The following GAS7 variants were observed in gnomAD, a reference collection of about 807,000 sequenced individuals.
GAS7 encodes growth arrest-specific protein 7.
GAS7 carries 28 observed loss-of-function variants against 71.1 expected under a neutral mutation model. The ratio of observed to expected loss-of-function variants is 0.39; its 90% CI spans 0.29 to 0.54. GAS7 has a LOEUF of 0.54. Among genes scored for constraint, GAS7 ranks in the 20% least tolerant of loss-of-function variants. GAS7 has a pLI of 0.62. For synonymous variants in GAS7, 258 were observed against 245.8 expected, an observed-to-expected ratio of 1.05 and a Z score of -0.46; for missense variants, 436 against 627.8, an observed-to-expected ratio of 0.69 and a Z score of 3.27.
At chr17:9,975,928 T>C (rs1284373779) in intron 3 of GAS7, among the ~76,000 whole-genome samples, 1 of 152,182 alleles carries the variant, frequency 6.6e-6, no homozygotes, top group Non-Finnish European at 1.5e-5. Flanking sequence ...GGCAGTTCCG[T>C]GCTCATCCGG....
intron 1 of GAS7, among the ~76,000 whole-genome samples, chr17:10,035,770 A>G (rs2152223900): frequency 6.6e-6 from 1 of 152,290 alleles, no homozygotes; most frequent in Non-Finnish European, 1.5e-5. Flanking sequence ...TTGTACTGCT[A>G]AGTATCAGAA....
intron 1 of GAS7, among the ~76,000 whole-genome samples, chr17:10,192,214 T>A (rs531754334): frequency 6.6e-6 from 1 of 152,176 alleles, no homozygotes; most frequent in East Asian, 1.9e-4. Flanking sequence ...GCCATAGGCA[T>A]AAATACCACC....
chr17:10,103,237 A>G lies in GAS7; in HGVS notation c.184-83340T>C, dbSNP rs1374213929. Among the ~76,000 whole-genome samples, 1 of 152,016 alleles carries G rather than the reference A, an allele frequency of 6.6e-6. No homozygotes were observed. The highest frequency in any genetic ancestry group is 1.5e-5 in the Non-Finnish European group (1 of 67,976). On this transcript the variant is annotated intron_variant, in intron 1 of 13. Transcript: ENST00000432992. This position sits in a 1 kb window ranked among gnomAD's most constrained non-coding sequence, Gnocchi z 5.5. ...TGCACACTTGTGGTCCTAGCTACTC[A>G]GGAGGCTAAGGTGGGAGAATCACCT...
At chr17:9,978,832 G>C (rs915603835) in intron 3 of GAS7, among the ~76,000 whole-genome samples, 1 of 152,164 alleles carries the variant, frequency 6.6e-6, no homozygotes, top group African/African-American at 2.4e-5. Flanking sequence ...CCATGGTCTG[G>C]GAACCCTTGA....
chr17:10,152,614 T>G (rs1271815202), intron 1 of GAS7, among the ~76,000 whole-genome samples: 1 of 152,080 alleles, frequency 6.6e-6, no homozygotes, highest in Non-Finnish European at 1.5e-5. Context: ...ACTGCTGCCG[T>G]GTGCAAGGGG....
chr17:10,107,912 G>A (rs1486577093), intron 1 of GAS7, among the ~76,000 whole-genome samples: 1 of 152,104 alleles, frequency 6.6e-6, no homozygotes, highest in African/African-American at 2.4e-5. Context: ...GTCCAGTGGT[G>A]GTGGGCTGGT....
At position 9,961,683 on chromosome 17, in the gene GAS7, T is replaced by C. The variant is rs141107742; in HGVS notation, c.472-2428A>G. On this transcript the variant is annotated intron_variant, in intron 4 of 13. Transcript: ENST00000432992. ...ATTACGGCAGGCTCCAGGTTAGCCA[T>C]CTGACATATTTAATCTCATTTCATC... 2.8e-3 allele frequency among the ~76,000 whole-genome samples: 422 copies of C among 152,348 alleles called. 1 individual carries two copies. The highest frequency in any genetic ancestry group is 4.8e-3 in the South Asian group (23 of 4,830).
intron 1 of GAS7, among the ~76,000 whole-genome samples, chr17:10,090,013 C>T (rs187354512): frequency 1.1e-4 from 16 of 151,946 alleles, no homozygotes; most frequent in South Asian, 2.1e-4. Flanking sequence ...ACTAAAAATA[C>T]GAAAAATTAG....
intron 1 of GAS7, among the ~76,000 whole-genome samples, chr17:10,150,174 C>T (rs2074153314): frequency 6.6e-6 from 1 of 151,860 alleles, no homozygotes; most frequent in Non-Finnish European, 1.5e-5. Flanking sequence ...AGTGGTTAAC[C>T]AACTAATCAG....
At chr17:10,195,659 G>A (rs982836039) in intron 1 of GAS7, among the ~76,000 whole-genome samples, 13 of 152,056 alleles carry the variant, frequency 8.5e-5, no homozygotes, top group Admixed American at 6.6e-4. Context: ...CATGAGGTTC[G>A]CCATCTCCAG....
chr17:10,038,150 G>A (rs1363374886), intron 1 of GAS7, among the ~76,000 whole-genome samples: 3 of 152,046 alleles, frequency 2.0e-5, no homozygotes, highest in Non-Finnish European at 2.9e-5. Flanking sequence ...TTGAGGCCAG[G>A]AGTTCAAGAC....
At chr17:9,976,535 G>C (rs186697387) in intron 3 of GAS7, among the ~76,000 whole-genome samples, 167 of 152,324 alleles carry the variant, frequency 1.1e-3, no homozygotes, top group Admixed American at 0.01. Flanking sequence ...CCTCCCCAGA[G>C]AGCCCCTGCT....
At chr17:10,158,776 C>T (rs2074225956) in intron 1 of GAS7, among the ~76,000 whole-genome samples, 5 of 151,320 alleles carry the variant, frequency 3.3e-5, no homozygotes, top group Admixed American at 2.0e-4. Context: ...GTAAAGAGGC[C>T]AAGCACAGTG....
intron 1 of GAS7, among the ~76,000 whole-genome samples, chr17:10,081,954 T>C (rs1199191085): frequency 1.3e-5 from 2 of 152,154 alleles, no homozygotes; most frequent in Non-Finnish European, 2.9e-5. Context: ...GGGACAGGCA[T>C]AAGGATAAGC....
At chr17:9,968,514 C>T (rs1349719900) in intron 4 of GAS7, among the ~76,000 whole-genome samples, 2 of 152,218 alleles carry the variant, frequency 1.3e-5, no homozygotes, top group East Asian at 1.9e-4. Context: ...TGAACTGAAT[C>T]GAAGCCCAAC....
At chr17:10,162,622 G>A (rs61188621) in intron 1 of GAS7, among the ~76,000 whole-genome samples, 29,745 of 152,128 alleles carry the variant, frequency 0.2, 3,197 homozygotes, top group African/African-American at 0.27. Context: ...TGTATTAAGT[G>A]AGAAAAAACA....
intron 4 of GAS7, among the ~76,000 whole-genome samples, chr17:9,963,086 C>T (rs182321293): frequency 1.5e-3 from 223 of 150,258 alleles, no homozygotes; most frequent in Middle Eastern, 7.1e-3. Flanking sequence ...AGTGTAGAGG[C>T]AACGAGACAG....
rs553541172 is a variant in GAS7, at chr17:10,072,026, A to C, written c.184-52129T>G. On this transcript the variant is annotated intron_variant, in intron 1 of 13. Transcript: ENST00000432992. ...GGACCATACTGCAGGTGCTATCGAC[A>C]GGATGAGGAGAAATGCTGCCACGTT... Among the ~76,000 whole-genome samples the C allele has an allele frequency of 1.8e-3, 281 of 152,222 alleles. 1 individual carries two copies. The highest frequency in any genetic ancestry group is 6.5e-3 in the African/African-American group (269 of 41,538).
intron 3 of GAS7, among the ~76,000 whole-genome samples, chr17:9,977,918 C>T (rs557104710): frequency 2.0e-3 from 299 of 152,280 alleles, no homozygotes; most frequent in Non-Finnish European, 2.3e-3. Flanking sequence ...AGCTACAACA[C>T]AAAAGTAAAG....
Sources: gnomAD v4.1 joint callset for allele counts (sites outside exome capture counted in the v4.1 genomes callset) on GRCh38, gnomAD v4.1.1 for gene constraint, Gnocchi (gnomAD v3.1) non-coding constraint, MANE v1.5 for transcripts, NCBI Gene and HGNC (gene_info 2026-07-23, HGNC 2026-07-21) for gene names.